Variants in SEL1L3 observed in about 807,000 individuals in gnomAD.
The protein encoded by SEL1L3 is protein sel-1 homolog 3.
SEL1L3 carries 76 observed loss-of-function variants against 142.8 expected under a neutral mutation model. The ratio of observed to expected loss-of-function variants is 0.53; its 90% CI spans 0.44 to 0.64. The LOEUF (loss-of-function observed/expected upper bound fraction) is 0.64. Among genes scored for constraint, SEL1L3 ranks in the 30% least tolerant of loss-of-function variants. The pLI is 0.00. For synonymous variants in SEL1L3, 504 were observed against 519.6 expected (o/e 0.97, Z 0.41); for missense variants, 1,262 against 1,381.7 (o/e 0.91, Z 1.37).
At chr4:25,850,871 G>C (rs559071339) in intron 1 of SEL1L3, among the ~76,000 whole-genome samples, 1 of 150,028 alleles carries the variant, frequency 6.7e-6, no homozygotes, top group Non-Finnish European at 1.5e-5. Context: ...TTTTTTTTGA[G>C]TTGGAGTCTC....
At chr4:25,761,942 A>AT (rs996587974) in intron 20 of SEL1L3, among the ~76,000 whole-genome samples, 12 of 151,514 alleles carry the variant, frequency 7.9e-5, no homozygotes, top group South Asian at 2.1e-4. Context: ...AAAACCATTT[A>AT]TTTTTTTTTA....
chr4:25,841,946 C>T (rs917633791), intron 2 of SEL1L3, among the ~76,000 whole-genome samples: 2 of 152,130 alleles, frequency 1.3e-5, no homozygotes, highest in Admixed American at 6.5e-5. Context: ...GGTGACAGAG[C>T]AAGACCCTGT....
Position 25,833,538 on chromosome 4 carries a change from G to C in SEL1L3, c.892C>G (p.His298Asp), listed in dbSNP as rs770595008. The C allele has an allele frequency of 1.9e-6, 3 of 1,612,562 alleles. No homozygotes were observed. The South Asian group carries it at 3.3e-5, about 18-fold the overall frequency. ...CCACAGAGGTTGGCCTTGCAATAAT[G>C]GAGTAAATAAAGCCACAATGAAACA... ...FTVSLWLYLL[H>D]YCKANLCGIL... is the part of the protein sequence containing the mutation. Residue 298 changes from histidine to aspartate, a missense_variant, in exon 4 of 24, where the codon CAT (histidine) becomes GAT (aspartate). Around this residue, in one of 3 missense-constraint regions of SEL1L3, gnomAD observed 689 missense variants for 692.8 expected, o/e 0.99. Coordinates refer to ENST00000399878, the MANE Select transcript of SEL1L3 (RefSeq NM_015187.5).
Position 25,759,078 on chromosome 4 carries a change from A to T in SEL1L3, c.2956-10T>A. On this transcript the variant is annotated splice_polypyrimidine_tract_variant and intron_variant, in intron 20 of 23. Coordinates refer to ENST00000399878, the MANE Select transcript of SEL1L3 (RefSeq NM_015187.5). Reference sequence around the variant, plus strand: ...CCAGGTTAAAAAATCCCTAAAAACAAGCCACAAACCAAACTCATCAAATCC... The same window carrying T: ...CCAGGTTAAAAAATCCCTAAAAACATGCCACAAACCAAACTCATCAAATCC... 6.2e-7 allele frequency: 1 copy of T among 1,612,788 alleles called. No individual in the cohort carries two copies. Among genetic ancestry groups the T allele is most frequent in the East Asian group, 2.2e-5 (1 of 44,868 alleles).
At chr4:25,863,275 C>T (rs1717878653), upstream of SEL1L3, among the ~76,000 whole-genome samples, 1 of 121,080 alleles carries the variant, frequency 8.3e-6, no homozygotes, top group African/African-American at 3.2e-5. Flanking sequence ...TTCCGCGCTC[C>T]TGCTCTCTGC....
intron 3 of SEL1L3, 128 bp downstream of exon 3, chr4:25,835,069 C>A: frequency 9.0e-7 from 1 of 1,108,308 alleles, no homozygotes; most frequent in Non-Finnish European, 1.3e-6. Context: ...CCATGGAAAT[C>A]TCAACATTTT....
chr4:25,738,011 G>A, the SEL1L3 span, among the ~76,000 whole-genome samples: 104 of 151,930 alleles, frequency 6.8e-4, no homozygotes, highest in African/African-American at 2.2e-3. Context: ...TGCCTCAGCC[G>A]CCTGAGTAGC....
At chr4:25,794,785 G>C (rs1462942805) in intron 11 of SEL1L3, among the ~76,000 whole-genome samples, 1 of 152,080 alleles carries the variant, frequency 6.6e-6, no homozygotes. Flanking sequence ...TGTAGCAATA[G>C]CAAAGACATG....
rs1238954691 is a variant in SEL1L3, at chr4:25,853,674, T to G, written c.163-5810A>C. ...GCCTGCTCTTCTTACCTTTTTTTTT[T>G]TTTTTTTTTTTTTTTGAGATGGAGT... On this transcript the variant is annotated intron_variant, in intron 1 of 23. Coordinates refer to ENST00000399878, the MANE Select transcript of SEL1L3 (RefSeq NM_015187.5). Among the ~76,000 whole-genome samples the G allele has an allele frequency of 2.8e-5, 4 of 141,254 alleles. 1 individual carries two copies. Among genetic ancestry groups the G allele is most frequent in the African/African-American group, 1.1e-4 (4 of 37,290 alleles). The allele number at this position is 141,254 out of a possible 152,430, so 92.7% of individuals were successfully genotyped here.
intron 1 of SEL1L3, chr4:25,861,822 C>A (rs1407028097): frequency 6.6e-6 from 1 of 152,102 alleles, no homozygotes; most frequent in African/African-American, 2.4e-5. Context: ...TAGGAGAACT[C>A]AAAACAGAAG....
chr4:25,743,493 A>G (rs1717174703), downstream of SEL1L3, among the ~76,000 whole-genome samples: 1 of 152,168 alleles, frequency 6.6e-6, no homozygotes, highest in Admixed American at 6.6e-5. Context: ...CATGTGCCCA[A>G]GGTGGTCAGG....
At chr4:25,862,460 G>C (rs1331527610) in intron 1 of SEL1L3, among the ~76,000 whole-genome samples, 1 of 152,172 alleles carries the variant, frequency 6.6e-6, no homozygotes, top group Admixed American at 6.5e-5. Flanking sequence ...ATGAGCACGA[G>C]CGAGAGAGCA....
chr4:25,830,568 A>G (rs16877629), intron 5 of SEL1L3, among the ~76,000 whole-genome samples: 6,425 of 152,236 alleles, frequency 0.042, 465 homozygotes, highest in African/African-American at 0.15. Flanking sequence ...TGTTCTTCAC[A>G]CACTGCTGTT....
rs918608266 is a variant in SEL1L3 at position 25,802,290 on chromosome 4, C to T, written c.1949G>A (p.Gly650Glu). The T allele has an allele frequency of 6.2e-7, 1 of 1,612,748 alleles. No homozygotes were observed. The highest frequency in any genetic ancestry group is 8.5e-7 in the Non-Finnish European group (1 of 1,179,382). The change falls in exon 11 of 24, where the codon GGA (glycine) becomes GAA (glutamate). Residue 650 changes from glycine (G) to glutamate (E), a missense_variant. Physicochemically the swap from Gly to Glu is moderately conservative, Grantham distance 98. Around this residue, in one of 3 missense-constraint regions of SEL1L3, gnomAD observed 435 missense variants for 559.2 expected, o/e 0.78. Transcript: ENST00000399878. ...CTTTTTTCTCTCTCATACCTGATCT[C>T]CTTGCAGTGTGTGCTGGTCAAGGGG... The part of the protein sequence containing the change: ...KTPLDQHTLQ[G>E]DQAYVETIRL...
chr4:25,796,968 A>G (rs1712805206), intron 11 of SEL1L3, among the ~76,000 whole-genome samples: 1 of 150,970 alleles, frequency 6.6e-6, no homozygotes, highest in Non-Finnish European at 1.5e-5. Flanking sequence ...GGGAGAGAGA[A>G]GAAGGGGTAG....
intron 9 of SEL1L3, among the ~76,000 whole-genome samples, chr4:25,814,628 G>C (rs554784130): frequency 1.3e-5 from 2 of 152,074 alleles, no homozygotes; most frequent in Non-Finnish European, 2.9e-5. Context: ...GAGCCAGCTA[G>C]GGCCAGACGC....
At chr4:25,731,335 C>T in the SEL1L3 span, among the ~76,000 whole-genome samples, 1 of 152,058 alleles carries the variant, frequency 6.6e-6, no homozygotes, top group Non-Finnish European at 1.5e-5. Context: ...AATTGTACAG[C>T]TTCATTAAGG....
At chr4:25,841,523 T>C (rs1018724521) in intron 2 of SEL1L3, among the ~76,000 whole-genome samples, 2 of 152,218 alleles carry the variant, frequency 1.3e-5, no homozygotes, top group African/African-American at 4.8e-5. Flanking sequence ...AATGAATAAG[T>C]GTGGGGTTTG....
intron 17 of SEL1L3, among the ~76,000 whole-genome samples, chr4:25,771,622 A>G (rs146855569): frequency 6.6e-6 from 1 of 152,298 alleles, no homozygotes; most frequent in Non-Finnish European, 1.5e-5. Context: ...TCTATTGCAA[A>G]AAGGTGAATT....
Sources: allele counts gnomAD v4.1 joint callset (sites outside exome capture counted in the v4.1 genomes callset), GRCh38; gene constraint gnomAD v4.1.1; regional missense constraint gnomAD v4.1.1; transcripts MANE v1.5; gene names NCBI Gene and HGNC (gene_info 2026-07-23, HGNC 2026-07-21).